Variants in TRIM46 observed in about 807,000 individuals in gnomAD.
The protein encoded by TRIM46 is tripartite motif containing 46.
TRIM46 carries 17 observed loss-of-function variants against 69.7 expected under a neutral mutation model. The observed-to-expected ratio is 0.24, with a 90% CI of 0.17 to 0.37. TRIM46 has a LOEUF of 0.37. TRIM46 is among the 10% of genes least tolerant of loss of function. The pLI is 1.00. For synonymous variants in TRIM46, 391 were observed against 429.0 expected, an observed-to-expected ratio of 0.91 and a Z score of 1.09; for missense variants, 675 against 1,025.1, an observed-to-expected ratio of 0.66 and a Z score of 4.66.
In TRIM46 at chr1:155,184,148, T is replaced by A; in HGVS notation, c.2238T>A (p.Pro746=). ...TCCAGGAGCCAGTGGGCACTAAGCC[T>A]GAGAGGAAAGTCACCATTGGGGGCT... The part of the protein sequence containing the change: ...VQLQEPVGTK[P]ERKVTIGGFA... The change falls in exon 10 of 10, where the codon CCT becomes CCA. Residue 746 remains proline, a synonymous_variant. Transcript: ENST00000334634. This position sits in a 1 kb window ranked among gnomAD's most constrained non-coding sequence, Gnocchi z 5.6. 2 of 1,613,464 alleles carry A rather than the reference T, an allele frequency of 1.2e-6. No homozygotes were observed. Among genetic ancestry groups the A allele is most frequent in the Non-Finnish European group, 1.7e-6 (2 of 1,179,870 alleles).
At position 155,179,794 on chromosome 1, in the gene TRIM46, G is replaced by A. The variant is rs746643625; in HGVS notation, c.1448G>A (p.Arg483Gln). 6.8e-6 allele frequency: 11 copies of A among 1,612,726 alleles called. No individual in the cohort carries two copies. Among genetic ancestry groups the A allele is most frequent in the South Asian group, 3.3e-5 (3 of 91,064 alleles). Residue 483 changes from arginine (R) to glutamine (Q), a missense_variant, in exon 8 of 10, where the codon CGG (arginine) becomes CAG (glutamine). By Grantham distance (43) the Arg-to-Gln change is conservative. Around this residue, in one of 5 missense-constraint regions of TRIM46, gnomAD observed 361 missense variants for 498.3 expected, o/e 0.72. Transcript: ENST00000334634. Reference protein sequence around the residue: ...AQPGPTRWQRREEVRGTSALL... With the variant: ...AQPGPTRWQRQEEVRGTSALL... ...CCAGGCCCCACCCGCTGGCAGCGGC[G>A]GGAGGAGGTGAGGGGCACCAGTGCC...
chr1:155,183,805 C>T lies in TRIM46; in HGVS notation c.1895C>T (p.Pro632Leu), dbSNP rs767343114. 6.9e-6 allele frequency: 11 copies of T among 1,603,242 alleles called. No individual in the cohort carries two copies. The highest frequency in any genetic ancestry group is 2.7e-5 in the African/African-American group (2 of 74,870). The change falls in exon 10 of 10, where the codon CCG becomes CTG. Residue 632 changes from proline (P) to leucine (L), a missense_variant. Pro to Leu is a moderately conservative substitution (Grantham distance 98, BLOSUM62 -3). Transcript: ENST00000334634. ...APDVISPRYD[P>L]DSGHDSGAED... is the part of the protein sequence containing the mutation. ...AACACCCGCTTCTGCAGGTACGACC[C>T]GGACAGCGGGCACGACAGCGGTGCC...
intron 7 of TRIM46, 126 bp downstream of exon 7, chr1:155,178,739 T>TGCCCCCCCCCCCCCCC: frequency 2.2e-6 from 3 of 1,348,462 alleles, no homozygotes; most frequent in Non-Finnish European, 3.1e-6. Flanking sequence ...CAGCCATTCC[T>TGCCCCCCCCCCCCCCC]CCCACCCAGC....
At chr1:155,174,508 C>T (rs1386456008) in intron 1 of TRIM46, 12 of 1,440,988 alleles carry the variant, frequency 8.3e-6, no homozygotes, top group Non-Finnish European at 1.1e-5. Flanking sequence ...GTTGTCATGG[C>T]AACCCGTGCC....
intron 7 of TRIM46, 126 bp downstream of exon 7, chr1:155,178,739 T>TTGGGGGCCCCCCCCCCC: frequency 7.4e-7 from 1 of 1,348,468 alleles, no homozygotes; most frequent in Non-Finnish European, 1.0e-6. Context: ...CAGCCATTCC[T>TTGGGGGCCCCCCCCCCC]CCCACCCAGC....
chr1:155,180,137 C>T (rs1666037171), intron 8 of TRIM46, among the ~76,000 whole-genome samples: 1 of 152,226 alleles, frequency 6.6e-6, no homozygotes, highest in Admixed American at 6.5e-5. Context: ...CAAGTTTTTA[C>T]CCTCTCTGAA....
chr1:155,182,129 C>T lies in TRIM46; in HGVS notation c.1866C>T (p.Ala622=), dbSNP rs372533014. 2 of 1,614,090 alleles carry T rather than the reference C, an allele frequency of 1.2e-6. No individual in the cohort carries two copies. The highest frequency in any genetic ancestry group is 2.2e-5 in the South Asian group (2 of 91,056). ...ESKLQESFQG[A]PDVISPRYDP... ...AGCTTCAAGAAAGTTTCCAGGGTGC[C>T]CCCGATGTGATCAGCCCCAGGTCAG... The change falls in exon 9 of 10, where the codon GCC becomes GCT. Residue 622 remains alanine (A), a synonymous_variant. Coordinates refer to ENST00000334634, the MANE Select transcript of TRIM46 (RefSeq NM_025058.5).
intron 3 of TRIM46, 86 bp from the exon 4 acceptor site, chr1:155,176,843 TGGA>T: frequency 2.6e-6 from 4 of 1,518,402 alleles, no homozygotes; most frequent in Middle Eastern, 1.8e-4. Context: ...ATCTTGCCAG[TGGA>T]GGAGGGCACC....
At position 155,175,294 on chromosome 1, in the gene TRIM46, T is replaced by A; in HGVS notation, c.64-92T>A. The stretch of plus-strand genomic sequence containing the variant: ...GCAGGTAGCTTGTCTTGCTCCTTCC[T>A]CAGACCCCTAGGGTATCCAAGGGCA... On this transcript the variant is annotated intron_variant, in intron 1 of 9. Transcript: ENST00000334634. This position sits in a 1 kb window ranked among gnomAD's most constrained non-coding sequence, Gnocchi z 4.2. 6.4e-7 allele frequency: 1 copy of A among 1,572,624 alleles called. No homozygotes were observed.
chr1:155,178,739 T>TTGCCCCCCCC, intron 7 of TRIM46, 126 bp downstream of exon 7: 205 of 1,348,128 alleles, frequency 1.5e-4, no homozygotes, highest in Non-Finnish European at 1.9e-4. Context: ...CAGCCATTCC[T>TTGCCCCCCCC]CCCACCCAGC....
In TRIM46 at chr1:155,179,747, G is replaced by T; in HGVS notation, c.1401G>T (p.Arg467=). 6.2e-7 allele frequency: 1 copy of T among 1,613,300 alleles called. No individual in the cohort carries two copies. The change falls in exon 8 of 10, where the codon CGG becomes CGT. Residue 467 remains arginine (R), a synonymous_variant. Coordinates refer to ENST00000334634, the MANE Select transcript of TRIM46 (RefSeq NM_025058.5). ...PPAWHYTVEF[R]RTDVPAQPGP... Reference sequence around the variant, plus strand: ...CCTGGCACTATACCGTTGAGTTCCGGCGCACGGATGTGCCTGCTCAGCCAG... The same window carrying T: ...CCTGGCACTATACCGTTGAGTTCCGTCGCACGGATGTGCCTGCTCAGCCAG...
rs1395882945 is a variant in TRIM46 at position 155,181,410 on chromosome 1, C to T, written c.1589-442C>T. ...AATAGTTCGGACTCCAGGGGGTGGG[C>T]ATAAGAGGGAAGCCTTGCCACCCAA... On this transcript the variant is annotated intron_variant, in intron 8 of 9. Coordinates refer to ENST00000334634, the MANE Select transcript of TRIM46 (RefSeq NM_025058.5). The surrounding 1 kb of genome is among the most constrained non-coding windows in gnomAD (Gnocchi z 4.3). 6.6e-6 allele frequency among the ~76,000 whole-genome samples: 1 copy of T among 151,988 alleles called. No homozygotes were observed. The highest frequency in any genetic ancestry group is 1.5e-5 in the Non-Finnish European group (1 of 68,014).
intron 3 of TRIM46, 125 bp from the exon 4 acceptor site, chr1:155,176,807 C>A: frequency 8.2e-7 from 1 of 1,217,298 alleles, no homozygotes; most frequent in Non-Finnish European, 1.2e-6. Context: ...CACTGTGGAG[C>A]ACCACCAGCG....
chr1:155,181,813 G>C lies in TRIM46; in HGVS notation c.1589-39G>C. 6.3e-7 allele frequency: 1 copy of C among 1,579,028 alleles called. No individual in the cohort carries two copies. ...GCCCCCAGTGCCAGTGTTTGTCCCT[G>C]AAGTTCTTGCTCCATCTCAACCCTC... is the stretch of plus-strand genomic sequence containing the variant. On this transcript the variant is annotated intron_variant, in intron 8 of 9. Coordinates refer to ENST00000334634, the MANE Select transcript of TRIM46 (RefSeq NM_025058.5). This position sits in a 1 kb window ranked among gnomAD's most constrained non-coding sequence, Gnocchi z 4.3.
intron 1 of TRIM46, chr1:155,174,518 C>T (rs980205431): frequency 2.1e-6 from 3 of 1,447,214 alleles, no homozygotes; most frequent in Admixed American, 2.6e-5. Flanking sequence ...CAACCCGTGC[C>T]TGGCTCTCCC....
At chr1:155,177,144 G>A (rs1247459191) in intron 4 of TRIM46, 51 bp from the exon 5 acceptor site, 1 of 1,613,740 alleles carries the variant, frequency 6.2e-7, no homozygotes, top group African/African-American at 1.3e-5. Flanking sequence ...CCTCCCAACT[G>A]CTGGCTTCTG....
intron 5 of TRIM46, 39 bp downstream of exon 5, chr1:155,177,329 G>A (rs755434479): frequency 6.5e-7 from 1 of 1,543,080 alleles, no homozygotes; most frequent in African/African-American, 1.4e-5. Flanking sequence ...GGCCCTGCCT[G>A]GGAGTAGGGG....
Position 155,176,093 on chromosome 1 carries a change from CCCA to C in TRIM46, c.536_538del (p.Pro179del). The C allele has an allele frequency of 6.2e-7, 1 of 1,614,154 alleles. No individual in the cohort carries two copies. The highest frequency in any genetic ancestry group is 8.5e-7 in the Non-Finnish European group (1 of 1,180,008). ...CCATCCTGTGCCAGTTGTGCAAGCC[CCCA>C]CCACTAGAGGCCACCAAGGGCTGCA... On this transcript the variant is annotated inframe_deletion, in exon 3 of 10. Transcript: ENST00000334634.
At position 155,181,930 on chromosome 1, in the gene TRIM46, G is replaced by A. The variant is rs767911478; in HGVS notation, c.1667G>A (p.Arg556Gln). The change falls in exon 9 of 10, where the codon CGG (arginine) becomes CAG (glutamine). Residue 556 changes from arginine (R) to glutamine (Q), a missense_variant. Coordinates refer to ENST00000334634, the MANE Select transcript of TRIM46 (RefSeq NM_025058.5). The surrounding 1 kb of genome is among the most constrained non-coding windows in gnomAD (Gnocchi z 4.3). ...LAISKDQRAVRSVPGLPLLLA... is the reference protein window; with the variant it reads ...LAISKDQRAVQSVPGLPLLLA... ...ATCAGCAAGGACCAGCGAGCAGTACGGAGTGTTCCAGGGCTGCCCCTGCTG... is the reference window on the plus strand; with the variant it reads ...ATCAGCAAGGACCAGCGAGCAGTACAGAGTGTTCCAGGGCTGCCCCTGCTG... 8 of 1,613,966 alleles carry A rather than the reference G, an allele frequency of 5.0e-6. No individual in the cohort carries two copies. Among genetic ancestry groups the A allele is most frequent in the Non-Finnish European group, 5.9e-6 (7 of 1,180,046 alleles).
Sources: allele counts gnomAD v4.1 joint callset (sites outside exome capture counted in the v4.1 genomes callset), GRCh38; gene constraint gnomAD v4.1.1; regional missense constraint gnomAD v4.1.1; non-coding constraint Gnocchi (gnomAD v3.1); transcripts MANE v1.5; gene names NCBI Gene and HGNC (gene_info 2026-07-23, HGNC 2026-07-21).